The following ZNF423 variants were observed in gnomAD, a reference collection of about 807,000 sequenced individuals.
ZNF423 encodes Ebf-associated zinc finger protein.
ZNF423 carries 12 observed loss-of-function variants against 95.8 expected under a neutral mutation model. That is an observed-to-expected ratio of 0.13 (90% CI 0.08 to 0.20). The LOEUF is 0.20. Among genes scored for constraint, ZNF423 ranks in the 10% least tolerant of loss-of-function variants. ZNF423 has a pLI of 1.00. For synonymous variants in ZNF423, 749 were observed against 711.9 expected, an observed-to-expected ratio of 1.05 and a Z score of -0.83; for missense variants, 1,316 against 1,737.1, an observed-to-expected ratio of 0.76 and a Z score of 4.31.
At chr16:49,574,716 G>A (rs778221165) in intron 5 of ZNF423, among the ~76,000 whole-genome samples, 3 of 135,010 alleles carry the variant, frequency 2.2e-5, no homozygotes, top group Non-Finnish European at 5.0e-5. Flanking sequence ...ACTCCAGGTC[G>A]TGCATCCCAC....
chr16:49,569,035 C>T (rs947468462), intron 5 of ZNF423, among the ~76,000 whole-genome samples: 2 of 152,100 alleles, frequency 1.3e-5, no homozygotes, highest in African/African-American at 2.4e-5. Context: ...AACATCCCTC[C>T]GAGGAAAACC....
At chr16:49,559,131 G>A (rs1446409591) in intron 5 of ZNF423, among the ~76,000 whole-genome samples, 1 of 152,250 alleles carries the variant, frequency 6.6e-6, no homozygotes, top group Non-Finnish European at 1.5e-5. Flanking sequence ...AAAGGCAGTT[G>A]TATGTCTGGG....
At chr16:49,780,794 A>G (rs2034199742) in intron 2 of ZNF423, among the ~76,000 whole-genome samples, 1 of 152,258 alleles carries the variant, frequency 6.6e-6, no homozygotes, top group East Asian at 1.9e-4. Context: ...CGAGCTAATG[A>G]GAAACTCCCC....
intron 1 of ZNF423, among the ~76,000 whole-genome samples, chr16:49,801,768 T>A (rs989387508): frequency 3.3e-5 from 5 of 152,230 alleles, no homozygotes; most frequent in African/African-American, 1.2e-4. Context: ...GTACATTTAT[T>A]AACCCCATTT....
chr16:49,660,448 C>T (rs74621927), intron 3 of ZNF423, among the ~76,000 whole-genome samples: 2,343 of 152,238 alleles, frequency 0.015, 27 homozygotes, highest in Middle Eastern at 0.024. Flanking sequence ...CAGCAAGGAG[C>T]CACTCAAGAG....
chr16:49,703,701 G>C (rs184568775), intron 3 of ZNF423, among the ~76,000 whole-genome samples: 1 of 152,380 alleles, frequency 6.6e-6, no homozygotes, highest in Non-Finnish European at 1.5e-5. Flanking sequence ...GGGTGGATCC[G>C]GCTCTGCTGA....
At chr16:49,729,008 G>A (rs2033096864) in intron 3 of ZNF423, among the ~76,000 whole-genome samples, 1 of 152,188 alleles carries the variant, frequency 6.6e-6, no homozygotes, top group Admixed American at 6.5e-5. Context: ...TGGGATTACA[G>A]GCATGAGCCA....
intron 3 of ZNF423, among the ~76,000 whole-genome samples, chr16:49,729,973 A>G (rs1388872628): frequency 6.6e-6 from 1 of 152,122 alleles, no homozygotes; most frequent in Non-Finnish European, 1.5e-5. Context: ...AACAACCCTG[A>G]TGGAAGAAGG....
intron 7 of ZNF423, among the ~76,000 whole-genome samples, chr16:49,509,946 G>T (rs1358426321): frequency 1.3e-5 from 2 of 152,198 alleles, no homozygotes; most frequent in Non-Finnish European, 2.9e-5. Context: ...CAAGGCAAAA[G>T]GATTCCCTTA....
intron 3 of ZNF423, among the ~76,000 whole-genome samples, chr16:49,715,862 A>G (rs2032689269): frequency 6.6e-6 from 1 of 150,498 alleles, no homozygotes; most frequent in Non-Finnish European, 1.5e-5. Context: ...GCATAGAGAG[A>G]CCCCATGTAT....
chr16:49,591,070 T>A (rs537889217), intron 5 of ZNF423, among the ~76,000 whole-genome samples: 51 of 152,270 alleles, frequency 3.3e-4, no homozygotes, highest in African/African-American at 1.2e-3. Context: ...CTGCCTACTG[T>A]TGGGGGGAAA....
At chr16:49,857,228 G>A (rs902956180), upstream of ZNF423, among the ~76,000 whole-genome samples, 1 of 150,490 alleles carries the variant, frequency 6.6e-6, no homozygotes, top group African/African-American at 2.4e-5. This position sits in a 1 kb window ranked among gnomAD's most constrained non-coding sequence, Gnocchi z 6.2. Context: ...CGGATCAGAC[G>A]GAGAGAGGGC....
At chr16:49,835,345 G>C (rs1352888825) in intron 1 of ZNF423, among the ~76,000 whole-genome samples, 1 of 152,218 alleles carries the variant, frequency 6.6e-6, no homozygotes, top group Admixed American at 6.5e-5. Context: ...GACTCAGCAG[G>C]ACTGTGGCGG....
chr16:49,617,791 C>T (rs1298103030), intron 5 of ZNF423, among the ~76,000 whole-genome samples: 2 of 152,198 alleles, frequency 1.3e-5, no homozygotes, highest in Non-Finnish European at 2.9e-5. Flanking sequence ...TGACCCCTTC[C>T]ATCTGATGCC....
At chr16:49,752,167 GGCCACTGT>G (rs1376891540) in intron 2 of ZNF423, among the ~76,000 whole-genome samples, 1 of 152,246 alleles carries the variant, frequency 6.6e-6, no homozygotes, top group Non-Finnish European at 1.5e-5. Context: ...AAAGAATGCG[GGCCACTGT>G]GCCCGTGACG....
intron 2 of ZNF423, among the ~76,000 whole-genome samples, chr16:49,759,777 T>C (rs7190489): frequency 0.71 from 107,556 of 152,036 alleles, 38,953 homozygotes; most frequent in African/African-American, 0.86. Context: ...GTAAAGTCCT[T>C]TTTTGTGTAA....
At chr16:49,561,335 C>T (rs1048837050) in intron 5 of ZNF423, among the ~76,000 whole-genome samples, 2 of 152,132 alleles carry the variant, frequency 1.3e-5, no homozygotes, top group African/African-American at 2.4e-5. Flanking sequence ...TATATTGTAA[C>T]TACATCTACT....
At chr16:49,669,904 G>A (rs80160924) in intron 3 of ZNF423, among the ~76,000 whole-genome samples, 13,161 of 152,248 alleles carry the variant, frequency 0.086, 713 homozygotes, top group Middle Eastern at 0.18. Flanking sequence ...AGGGTCAGAG[G>A]GGAATGATGG....
intron 1 of ZNF423, among the ~76,000 whole-genome samples, chr16:49,838,995 A>G (rs957834767): frequency 6.6e-6 from 1 of 151,490 alleles, no homozygotes; most frequent in South Asian, 2.1e-4. Context: ...CCCCTCGGGT[A>G]GCTGGGCGGG....
Sources: allele counts gnomAD v4.1 joint callset (sites outside exome capture counted in the v4.1 genomes callset), GRCh38; gene constraint gnomAD v4.1.1; non-coding constraint Gnocchi (gnomAD v3.1); transcripts MANE v1.5; gene names NCBI Gene and HGNC (gene_info 2026-07-23, HGNC 2026-07-21).